Variants in PSME3IP1 observed in about 807,000 individuals in gnomAD.
The protein encoded by PSME3IP1 is PSME3-interacting protein.
In PSME3IP1, 13 loss-of-function variants were observed where a neutral mutation model predicts 34.1. The ratio of observed to expected loss-of-function variants is 0.38; its 90% CI spans 0.25 to 0.61. The LOEUF is 0.61. Ranked by LOEUF, PSME3IP1 falls within the 20% of genes least tolerant of loss-of-function variation. The pLI is 0.60. For missense variants in PSME3IP1, 237 were observed against 301.4 expected, an observed-to-expected ratio of 0.79 and a Z score of 1.58; for synonymous variants, 93 against 114.3, an observed-to-expected ratio of 0.81 and a Z score of 1.19.
chr16:57,158,692 T>C (rs186025982), intron 6 of PSME3IP1, among the ~76,000 whole-genome samples: 22 of 152,350 alleles, frequency 1.4e-4, no homozygotes, highest in African/African-American at 5.3e-4. Flanking sequence ...TATTTCATTT[T>C]ATCAAGTACA....
chr16:57,180,599 GAAA>G (rs372578969), intron 1 of PSME3IP1, among the ~76,000 whole-genome samples: 2 of 130,450 alleles, frequency 1.5e-5, no homozygotes, highest in African/African-American at 5.7e-5. Flanking sequence ...CTCAGAAAAA[GAAA>G]AAAAAAAAAG....
chr16:57,170,343 A>G (rs1441969478), intron 4 of PSME3IP1, among the ~76,000 whole-genome samples: 1 of 152,166 alleles, frequency 6.6e-6, no homozygotes, highest in African/African-American at 2.4e-5. Context: ...TCGGCCTCCC[A>G]AAGTGCTGGA....
chr16:57,183,716 G>T (rs1555496058), intron 1 of PSME3IP1, among the ~76,000 whole-genome samples: 1 of 152,180 alleles, frequency 6.6e-6, no homozygotes, highest in Non-Finnish European at 1.5e-5. Flanking sequence ...CAGAAATTAA[G>T]CCCAATATTC....
At chr16:57,173,335 A>C (rs904183421) in intron 2 of PSME3IP1, among the ~76,000 whole-genome samples, 30 of 152,190 alleles carry the variant, frequency 2.0e-4, no homozygotes, top group African/African-American at 7.2e-4. Flanking sequence ...TCAACTCTAA[A>C]GTATGGACAA....
chr16:57,184,377 C>T (rs1458805858), intron 1 of PSME3IP1, among the ~76,000 whole-genome samples: 1 of 152,054 alleles, frequency 6.6e-6, no homozygotes, highest in Non-Finnish European at 1.5e-5. Context: ...TGAACAAAAA[C>T]AAACCCATAG....
intron 3 of PSME3IP1, 42 bp from the exon 4 acceptor site, chr16:57,172,414 G>A (rs769535350): frequency 8.2e-6 from 13 of 1,586,156 alleles, no homozygotes; most frequent in Non-Finnish European, 1.1e-5. Context: ...CAGGCTAAAG[G>A]GAAAAATAAG....
intron 6 of PSME3IP1, among the ~76,000 whole-genome samples, chr16:57,157,327 AAAAAAG>A (rs1228911903): frequency 2.6e-5 from 4 of 151,130 alleles, no homozygotes; most frequent in Non-Finnish European, 5.9e-5. Context: ...AAAAAAAAAA[AAAAAAG>A]AAGAAGAAGA....
intron 1 of PSME3IP1, among the ~76,000 whole-genome samples, chr16:57,184,317 G>T (rs959002814): frequency 1.1e-4 from 16 of 151,154 alleles, no homozygotes; most frequent in Admixed American, 6.6e-5. Flanking sequence ...CAGAATTAAT[G>T]AAAGACACTA....
intron 1 of PSME3IP1, among the ~76,000 whole-genome samples, chr16:57,183,363 C>T (rs1012066833): frequency 3.9e-5 from 6 of 151,974 alleles, no homozygotes; most frequent in African/African-American, 7.3e-5. Flanking sequence ...GATAGGGTCT[C>T]GCTCTGTCAC....
chr16:57,185,277 C>T (rs777607247), intron 1 of PSME3IP1, among the ~76,000 whole-genome samples: 15 of 152,174 alleles, frequency 9.9e-5, no homozygotes, highest in Non-Finnish European at 1.9e-4. Context: ...TCACAAGGAC[C>T]ACCAACTCTC....
chr16:57,175,243 G>T (rs1298279087), intron 1 of PSME3IP1, among the ~76,000 whole-genome samples: 1 of 152,156 alleles, frequency 6.6e-6, no homozygotes, highest in African/African-American at 2.4e-5. Context: ...TCGAACTCCT[G>T]AACTCGTGAT....
chr16:57,182,868 C>A (rs2073859586), intron 1 of PSME3IP1, among the ~76,000 whole-genome samples: 1 of 152,132 alleles, frequency 6.6e-6, no homozygotes, highest in South Asian at 2.1e-4. Flanking sequence ...CGAGATCGCG[C>A]CACTGCACTC....
intron 5 of PSME3IP1, 93 bp downstream of exon 5, chr16:57,167,000 C>T (rs560479385): frequency 5.6e-5 from 83 of 1,472,136 alleles, no homozygotes; most frequent in African/African-American, 5.3e-4. Flanking sequence ...CCAGGACTCA[C>T]GCGAGGCAAG....
intron 1 of PSME3IP1, among the ~76,000 whole-genome samples, chr16:57,185,115 C>T (rs1417553936): frequency 6.6e-6 from 1 of 152,214 alleles, no homozygotes; most frequent in East Asian, 1.9e-4. Context: ...TTGGGTCCCA[C>T]TCCTGAACTA....
At chr16:57,181,661 T>C (rs996261711) in intron 1 of PSME3IP1, 5 of 152,236 alleles carry the variant, frequency 3.3e-5, no homozygotes, top group Admixed American at 3.3e-4. Context: ...CCTGTAGTTC[T>C]AACCAACTGG....
At chr16:57,164,134 C>T in intron 5 of PSME3IP1, 69 bp from the exon 6 acceptor site, 1 of 1,368,294 alleles carries the variant, frequency 7.3e-7, no homozygotes, top group Non-Finnish European at 1.0e-6. Context: ...GAATCAGGAG[C>T]TCCAATAACT....
intron 6 of PSME3IP1, among the ~76,000 whole-genome samples, chr16:57,163,198 C>A (rs574667055): frequency 1.4e-4 from 22 of 152,152 alleles, no homozygotes; most frequent in African/African-American, 4.8e-4. Flanking sequence ...AATTCTGTTT[C>A]CCTCTAAGGA....
Position 57,153,984 on chromosome 16 carries a change from C to T in PSME3IP1, c.*306G>A, listed in dbSNP as rs1276092681. The T allele has an allele frequency of 4.5e-5, 16 of 352,566 alleles. No homozygotes were observed. The highest frequency in any genetic ancestry group is 8.9e-5 in the South Asian group (2 of 22,562). The allele number at this position is 352,566 out of a possible 1,614,324, so 21.8% of individuals were successfully genotyped here. A position where few individuals can be genotyped will look rare whatever the true frequency, so the allele number is the denominator to read the frequency against. ...AACCCAAACCCTTTGGCAAGCCAGCCGGTGCCTATTCTCCTGGGGCATTTT... is the reference window on the plus strand; with the variant it reads ...AACCCAAACCCTTTGGCAAGCCAGCTGGTGCCTATTCTCCTGGGGCATTTT... On this transcript the variant is annotated 3_prime_UTR_variant, in exon 7 of 7. Coordinates refer to ENST00000309137, the MANE Select transcript of PSME3IP1 (RefSeq NM_024946.4).
intron 1 of PSME3IP1, among the ~76,000 whole-genome samples, chr16:57,175,306 C>T (rs961656618): frequency 1.1e-4 from 17 of 152,188 alleles, no homozygotes; most frequent in Non-Finnish European, 2.2e-4. Flanking sequence ...AGCCACCGCA[C>T]CTGGCCATAT....
Sources: allele counts gnomAD v4.1 joint callset (sites outside exome capture counted in the v4.1 genomes callset), GRCh38; gene constraint gnomAD v4.1.1; transcripts MANE v1.5; gene names NCBI Gene and HGNC (gene_info 2026-07-23, HGNC 2026-07-21).